PCLO: variants seen among roughly 807,000 people sequenced by gnomAD.
The protein encoded by PCLO is piccolo presynaptic cytomatrix protein, also known as protein piccolo.
PCLO carries 82 observed loss-of-function variants against 427.5 expected under a neutral mutation model. The ratio of observed to expected loss-of-function variants is 0.19; its 90% CI spans 0.16 to 0.23. The LOEUF (loss-of-function observed/expected upper bound fraction) is 0.23, where lower values mean the gene tolerates loss of function less well. Ranked by LOEUF, PCLO falls within the 10% of genes least tolerant of loss-of-function variation. The pLI, the probability that PCLO is intolerant of heterozygous loss-of-function variation, is 1.00. For synonymous variants in PCLO, 2,357 were observed against 2,155.4 expected (o/e 1.09, Z -2.59); for missense variants, 6,239 against 6,115.9 (o/e 1.02, Z -0.67).
intron 2 of PCLO, among the ~76,000 whole-genome samples, chr7:83,151,987 T>A (rs1385903009): frequency 6.6e-6 from 1 of 150,426 alleles, no homozygotes; most frequent in Non-Finnish European, 1.5e-5. Context: ...TGAGACAGAG[T>A]CTTGCTTTGC....
chr7:82,951,434 C>A lies in PCLO; in HGVS notation c.9154G>T (p.Val3052Phe), dbSNP rs764770555. Reference sequence around the variant, plus strand: ...GTACTAATCCCAGCTCCTGAAATGACTTGTCGTGTTTCTGGATATGGACCT... The same window carrying A: ...GTACTAATCCCAGCTCCTGAAATGAATTGTCGTGTTTCTGGATATGGACCT... The part of the protein sequence containing the change: ...TTGPYPETRQ[V>F]ISGAGISTPQ... The change falls in exon 6 of 25, where the codon GTC becomes TTC. Residue 3052 changes from valine to phenylalanine, a missense_variant. Transcript: ENST00000333891. The A allele has an allele frequency of 1.3e-6, 2 of 1,592,530 alleles. No individual in the cohort carries two copies. Among genetic ancestry groups the A allele is most frequent in the South Asian group, 2.3e-5 (2 of 87,920 alleles).
At chr7:83,063,400 A>T (rs7786051) in intron 3 of PCLO, among the ~76,000 whole-genome samples, 118,007 of 151,980 alleles carry the variant, frequency 0.78, 46,680 homozygotes, top group African/African-American at 0.92. Flanking sequence ...TTTTTGACTT[A>T]ACAATGGTGC....
chr7:83,039,576 T>C (rs1788920228), intron 3 of PCLO, among the ~76,000 whole-genome samples: 1 of 152,170 alleles, frequency 6.6e-6, no homozygotes, highest in East Asian at 1.9e-4. Flanking sequence ...TCCTATGTAG[T>C]ACCACATTAA....
intron 2 of PCLO, among the ~76,000 whole-genome samples, chr7:83,142,902 G>A (rs911223847): frequency 6.6e-6 from 1 of 152,032 alleles, no homozygotes; most frequent in Non-Finnish European, 1.5e-5. Flanking sequence ...AGGTTGCAGT[G>A]AGTTGAGATC....
intron 8 of PCLO, 49 bp from the exon 9 acceptor site, chr7:82,902,790 A>C (rs1794080854): frequency 1.1e-6 from 1 of 874,936 alleles, no homozygotes; most frequent in South Asian, 1.3e-5. Context: ...AAGACACTTA[A>C]AGTGCAATAT....
chr7:82,911,136 A>C (rs1452477731), intron 7 of PCLO, among the ~76,000 whole-genome samples: 1 of 152,090 alleles, frequency 6.6e-6, no homozygotes, highest in East Asian at 1.9e-4. Flanking sequence ...AAATTCTGTC[A>C]ATTTATTACC....
At chr7:83,104,794 A>G (rs1790814526) in intron 3 of PCLO, among the ~76,000 whole-genome samples, 2 of 152,136 alleles carry the variant, frequency 1.3e-5, no homozygotes, top group Admixed American at 1.3e-4. Flanking sequence ...AAGAAGTGAC[A>G]CAACTATGCC....
chr7:83,111,562 A>G (rs983881528), intron 3 of PCLO, among the ~76,000 whole-genome samples: 3 of 152,190 alleles, frequency 2.0e-5, no homozygotes, highest in African/African-American at 7.2e-5. Context: ...CCAAGAACTA[A>G]GTGGTTCCCA....
At chr7:82,793,996 G>A (rs1359474385) in intron 22 of PCLO, among the ~76,000 whole-genome samples, 1 of 152,170 alleles carries the variant, frequency 6.6e-6, no homozygotes, top group Non-Finnish European at 1.5e-5. Context: ...GTTTGTGTTA[G>A]ATTTTTAGTT....
chr7:83,105,640 C>A (rs936462738), intron 3 of PCLO, among the ~76,000 whole-genome samples: 9 of 152,138 alleles, frequency 5.9e-5, no homozygotes, highest in African/African-American at 1.4e-4. Flanking sequence ...AGAATCACAG[C>A]AACAGCCACT....
chr7:82,789,346 C>T (rs779965944), intron 22 of PCLO, among the ~76,000 whole-genome samples: 1 of 152,080 alleles, frequency 6.6e-6, no homozygotes, highest in East Asian at 1.9e-4. Context: ...TTAGAATAAC[C>T]TAATTGAATT....
intron 6 of PCLO, among the ~76,000 whole-genome samples, chr7:82,942,718 T>C (rs116259021): frequency 0.016 from 2,434 of 152,194 alleles, 62 homozygotes; most frequent in African/African-American, 0.056. Context: ...TCAAAATACT[T>C]TGTATTTTAA....
chr7:83,121,341 T>C (rs887632362), intron 3 of PCLO, among the ~76,000 whole-genome samples: 19 of 152,144 alleles, frequency 1.2e-4, no homozygotes, highest in Non-Finnish European at 1.8e-4. Context: ...GAAGGTTATT[T>C]GTAAGTCTCA....
In PCLO at chr7:82,805,741, A is replaced by G. The variant is rs1374102545; in HGVS notation, c.14880T>C (p.Ser4960=). 3.1e-6 allele frequency: 5 copies of G among 1,612,452 alleles called. No homozygotes were observed. The East Asian group carries it at 8.9e-5, about 29-fold the overall frequency. The part of the protein sequence containing the change: ...SSFGSGYSVD[S]EGSSSTAGET... ...CCCCTGCAGTGCTGCTGCTTCCTTC[A>G]CTGTCCACGCTATACCCACTGCCAA... Residue 4960 remains serine, a synonymous_variant, in exon 21 of 25, where the codon AGT becomes AGC. Coordinates refer to ENST00000333891, the MANE Select transcript of PCLO (RefSeq NM_033026.6).
intron 4 of PCLO, among the ~76,000 whole-genome samples, chr7:82,964,457 A>G (rs953877125): frequency 2.0e-5 from 3 of 152,212 alleles, no homozygotes; most frequent in Non-Finnish European, 4.4e-5. Context: ...CAAGAGGTAC[A>G]TAAGTGGATT....
chr7:83,024,682 A>G (rs946826156), intron 3 of PCLO, among the ~76,000 whole-genome samples: 1 of 152,194 alleles, frequency 6.6e-6, no homozygotes, highest in African/African-American at 2.4e-5. Flanking sequence ...GACAGCAGTA[A>G]CCTCTGCAGA....
At chr7:83,069,817 AC>A (rs1421848775) in intron 3 of PCLO, among the ~76,000 whole-genome samples, 17 of 111,366 alleles carry the variant, frequency 1.5e-4, no homozygotes, top group Middle Eastern at 5.3e-3. Context: ...ACACACACAC[AC>A]ACACACACAA....
intron 6 of PCLO, among the ~76,000 whole-genome samples, chr7:82,939,379 G>T (rs1795026943): frequency 6.6e-6 from 1 of 151,840 alleles, no homozygotes; most frequent in Admixed American, 6.6e-5. Context: ...AAATTATGTT[G>T]AGGTAAATAT....
intron 15 of PCLO, among the ~76,000 whole-genome samples, chr7:82,837,996 T>A (rs1024095555): frequency 6.6e-6 from 1 of 152,014 alleles, no homozygotes; most frequent in Non-Finnish European, 1.5e-5. Context: ...TCTTGGAGGC[T>A]GGTTTCATTA....
Sources: allele counts gnomAD v4.1 joint callset (sites outside exome capture counted in the v4.1 genomes callset), GRCh38; gene constraint gnomAD v4.1.1; transcripts MANE v1.5; gene names NCBI Gene and HGNC (gene_info 2026-07-23, HGNC 2026-07-21).